LAMA2: variants seen among roughly 807,000 people sequenced by gnomAD.
LAMA2 encodes the protein laminin subunit alpha-2.
A neutral mutation model predicts 364.8 loss-of-function variants in LAMA2; 269 were observed. The observed-to-expected ratio is 0.74, with a 90% CI of 0.67 to 0.82. The LOEUF (loss-of-function observed/expected upper bound fraction) is 0.82, where lower values mean the gene tolerates loss of function less well. Among genes scored for constraint, LAMA2 ranks in the 40% least tolerant of loss-of-function variants. LAMA2 has a pLI of 0.00. For synonymous variants in LAMA2, 1,379 were observed against 1,370.6 expected (o/e 1.01, Z -0.14); for missense variants, 3,807 against 3,873.2 (o/e 0.98, Z 0.45).
At chr6:129,347,264 A>C (rs1006725468) in intron 30 of LAMA2, among the ~76,000 whole-genome samples, 3 of 152,098 alleles carry the variant, frequency 2.0e-5, no homozygotes, top group Non-Finnish European at 4.4e-5. Flanking sequence ...GGAAACATGG[A>C]GTGGCTGTTG....
At position 129,297,783 on chromosome 6, in the gene LAMA2, T is replaced by TTGG; in HGVS notation, c.2958_2960dup (p.Trp986dup). The TTGG allele has an allele frequency of 6.2e-7, 1 of 1,614,116 alleles. No homozygotes were observed. The highest frequency in any genetic ancestry group is 1.3e-5 in the African/African-American group (1 of 75,048). On this transcript the variant is annotated inframe_insertion, in exon 21 of 65. Coordinates refer to ENST00000421865, the MANE Select transcript of LAMA2 (RefSeq NM_000426.4). ...TCGACTGTGAAGAGAGTGGACAATG[T>TTGG]TGGTGCCAACCTGGAGTCACAGGGA...
At chr6:129,320,951 C>T (rs1215958782) in intron 28 of LAMA2, among the ~76,000 whole-genome samples, 1 of 152,110 alleles carries the variant, frequency 6.6e-6, no homozygotes, top group South Asian at 2.1e-4. Context: ...TGGACCACTT[C>T]TGAAGAGTTA....
chr6:129,064,327 C>A (rs1297596657), intron 3 of LAMA2, among the ~76,000 whole-genome samples: 2 of 135,756 alleles, frequency 1.5e-5, no homozygotes, highest in Admixed American at 7.4e-5. Context: ...GAAGAAAGAT[C>A]TAAAATTAAC....
At chr6:129,076,077 C>T (rs953611309) in intron 3 of LAMA2, among the ~76,000 whole-genome samples, 9 of 151,836 alleles carry the variant, frequency 5.9e-5, no homozygotes, top group Admixed American at 1.3e-4. Context: ...CAGAGCAAGA[C>T]GCTGTCTCAA....
chr6:129,014,009 T>C (rs9492190), intron 1 of LAMA2, among the ~76,000 whole-genome samples: 3,736 of 152,214 alleles, frequency 0.025, 152 homozygotes, highest in African/African-American at 0.086. Flanking sequence ...GGAGAAACTT[T>C]AGATAAGGCA....
intron 15 of LAMA2, among the ~76,000 whole-genome samples, chr6:129,263,072 A>G (rs561709582): frequency 2.6e-5 from 4 of 152,314 alleles, no homozygotes; most frequent in African/African-American, 4.8e-5. Flanking sequence ...ACTATTAAAA[A>G]GAGTGTTATG....
chr6:129,367,697 C>G (rs1777852460), intron 33 of LAMA2, among the ~76,000 whole-genome samples: 1 of 152,058 alleles, frequency 6.6e-6, no homozygotes, highest in Non-Finnish European at 1.5e-5. Flanking sequence ...TCCCTATTTT[C>G]CAGAAGAAGA....
At chr6:129,219,689 A>C (rs1783676062) in intron 12 of LAMA2, among the ~76,000 whole-genome samples, 1 of 143,230 alleles carries the variant, frequency 7.0e-6, no homozygotes, top group Admixed American at 7.2e-5. Context: ...GACATGGATG[A>C]AATTGGAAAT....
chr6:128,893,979 A>C (rs1776621632), intron 1 of LAMA2, among the ~76,000 whole-genome samples: 1 of 152,100 alleles, frequency 6.6e-6, no homozygotes, highest in South Asian at 2.1e-4. Context: ...TAAGCATATT[A>C]AGAAATATAT....
chr6:128,885,048 G>C (rs1776067852), intron 1 of LAMA2, among the ~76,000 whole-genome samples: 1 of 152,110 alleles, frequency 6.6e-6, no homozygotes, highest in Non-Finnish European at 1.5e-5. Flanking sequence ...GTGAATTCAG[G>C]AGGAAGGGTT....
intron 50 of LAMA2, 108 bp from the exon 51 acceptor site, chr6:129,465,037 A>T (rs1330898963): frequency 2.3e-6 from 2 of 871,974 alleles, no homozygotes; most frequent in Non-Finnish European, 3.9e-6. Flanking sequence ...AGAGTGACAT[A>T]TTCAGCAATT....
Position 129,481,864 on chromosome 6 carries a change from A to C in LAMA2, c.7749+425A>C, listed in dbSNP as rs1583852818. Among the ~76,000 whole-genome samples, 8 of 152,312 alleles carry C rather than the reference A, an allele frequency of 5.3e-5. No individual in the cohort carries two copies. In the South Asian group the frequency reaches 1.7e-3, roughly 32 times the overall value. ...ATCATTTTCCCAGTTGCACAAGCTGAAGTAATAGTCTTTTGGGCCTGACTC... is the reference window on the plus strand; with the variant it reads ...ATCATTTTCCCAGTTGCACAAGCTGCAGTAATAGTCTTTTGGGCCTGACTC... On this transcript the variant is annotated intron_variant, in intron 55 of 64. Coordinates refer to ENST00000421865, the MANE Select transcript of LAMA2 (RefSeq NM_000426.4).
At chr6:129,215,350 G>A (rs1451546304) in intron 12 of LAMA2, among the ~76,000 whole-genome samples, 2 of 151,912 alleles carry the variant, frequency 1.3e-5, no homozygotes, top group East Asian at 1.9e-4. Context: ...AAAGGGCTAT[G>A]TTATGTTAGC....
intron 31 of LAMA2, among the ~76,000 whole-genome samples, chr6:129,350,228 T>G (rs972108981): frequency 3.3e-5 from 5 of 152,232 alleles, no homozygotes; most frequent in African/African-American, 1.2e-4. Context: ...TTAGCATAAT[T>G]GATAGCAGTA....
chr6:129,065,726 C>T (rs1789252731), intron 3 of LAMA2, among the ~76,000 whole-genome samples: 1 of 152,074 alleles, frequency 6.6e-6, no homozygotes, highest in Non-Finnish European at 1.5e-5. Flanking sequence ...GGCTCTGTGT[C>T]CCCACCCAAA....
At chr6:129,322,793 T>TA (rs1364816074) in intron 28 of LAMA2, among the ~76,000 whole-genome samples, 2 of 152,180 alleles carry the variant, frequency 1.3e-5, no homozygotes, top group African/African-American at 4.8e-5. Context: ...ATTCTGGATT[T>TA]AAAATGTTAA....
chr6:129,048,485 T>TTTCC (rs1787717372), intron 1 of LAMA2, among the ~76,000 whole-genome samples: 2 of 86,966 alleles, frequency 2.3e-5, no homozygotes, highest in Non-Finnish European at 4.6e-5. Flanking sequence ...TCTTTCTTTC[T>TTTCC]TTCTTTCTTT....
At position 129,512,492 on chromosome 6, in the gene LAMA2, A is replaced by C. The variant is rs771936475; in HGVS notation, c.8987A>C (p.Lys2996Thr). 2.9e-5 allele frequency: 47 copies of C among 1,613,508 alleles called. No homozygotes were observed. The highest frequency in any genetic ancestry group is 3.9e-5 in the Non-Finnish European group (46 of 1,179,500). ...ATGGGTATTGAAATGATTGATGAAA[A>C]GGTGAGTGTCAGCAATGCAAACATT... ...DGMGIEMIDE[K>T]LMFHVDNGAG... Residue 2996 changes from lysine (K) to threonine (T), a missense_variant and splice_region_variant, in exon 63 of 65, where the codon AAG (lysine) becomes ACG (threonine). Physicochemically the swap from Lys to Thr is moderately conservative, Grantham distance 78. Coordinates refer to ENST00000421865, the MANE Select transcript of LAMA2 (RefSeq NM_000426.4).
In LAMA2 at chr6:129,393,128, G is replaced by A. The variant is rs573287715; in HGVS notation, c.5318G>A (p.Arg1773Gln). Residue 1773 changes from arginine (R) to glutamine (Q), a missense_variant, in exon 37 of 65, where the codon CGG becomes CAG. Arg to Gln is a conservative substitution (Grantham distance 43). Around this residue, in one of 3 missense-constraint regions of LAMA2, gnomAD observed 3,333 missense variants for 3,345.7 expected, o/e 1.00. Transcript: ENST00000421865. ...GENEEMEKDL[R>Q]EKLADYKNKV... ...AATGAAGAAATGGAGAAGGATCTCC[G>A]GGAAAAACTGGCTGACTACAAAAAC... The A allele has an allele frequency of 3.1e-5, 50 of 1,613,998 alleles. No individual in the cohort carries two copies. The highest frequency in any genetic ancestry group is 6.7e-5 in the African/African-American group (5 of 75,026).
Sources: allele counts gnomAD v4.1 joint callset (sites outside exome capture counted in the v4.1 genomes callset), GRCh38; gene constraint gnomAD v4.1.1; regional missense constraint gnomAD v4.1.1; transcripts MANE v1.5; gene names NCBI Gene and HGNC (gene_info 2026-07-23, HGNC 2026-07-21).